Variants in CDKL5 observed in about 807,000 individuals in gnomAD.
CDKL5 encodes the protein cyclin-dependent kinase-like 5.
In CDKL5, 8 loss-of-function variants were observed where a neutral mutation model predicts 61.7. The ratio of observed to expected loss-of-function variants is 0.13; its 90% CI spans 0.08 to 0.23. The LOEUF (loss-of-function observed/expected upper bound fraction) is 0.23. Among genes scored for constraint, CDKL5 ranks in the 10% least tolerant of loss-of-function variants. CDKL5 has a pLI of 1.00. For synonymous variants in CDKL5, 275 were observed against 272.3 expected, an observed-to-expected ratio of 1.01 and a Z score of -0.10; for missense variants, 440 against 734.5, an observed-to-expected ratio of 0.60 and a Z score of 4.63.
chrX:18,455,487 A>G (rs1014417856), intron 1 of CDKL5, among the ~76,000 whole-genome samples: 3 of 112,607 alleles, frequency 2.7e-5, no homozygotes, highest in South Asian at 3.6e-4. Context: ...ATAGTTAACC[A>G]TTAGCCAAAA....
chrX:18,509,246 C>CACACACACACACACACACACA (rs1555940191), intron 2 of CDKL5, among the ~76,000 whole-genome samples: 1 of 97,242 alleles, frequency 1.0e-5, no homozygotes, highest in Non-Finnish European at 2.1e-5. Flanking sequence ...CACACACACA[C>CACACACACACACACACACACA]CCCTGTCAAG....
At chrX:18,453,632 T>A (rs1159046789) in intron 1 of CDKL5, among the ~76,000 whole-genome samples, 1 of 111,952 alleles carries the variant, frequency 8.9e-6, no homozygotes, top group African/African-American at 3.2e-5. Flanking sequence ...AACATTTTCC[T>A]TTTTAGAACC....
downstream of CDKL5, chrX:18,644,310 G>A (rs984100277): frequency 6.3e-6 from 4 of 639,058 alleles, no homozygotes; most frequent in African/African-American, 8.7e-5. Context: ...GGAAAGCGCA[G>A]ATGATCCACT....
chrX:18,642,919 C>A (rs1381365600), downstream of CDKL5, among the ~76,000 whole-genome samples: 1 of 110,892 alleles, frequency 9.0e-6, no homozygotes, highest in Non-Finnish European at 1.9e-5. Flanking sequence ...TGGCAGGTGC[C>A]TGTAAATCCC....
intron 1 of CDKL5, among the ~76,000 whole-genome samples, chrX:18,448,508 G>T (rs1400976117): frequency 9.0e-6 from 1 of 111,701 alleles, no homozygotes; most frequent in Non-Finnish European, 1.9e-5. Flanking sequence ...TTTGTCTTTT[G>T]CCTGGAATGC....
intron 1 of CDKL5, among the ~76,000 whole-genome samples, chrX:18,482,363 A>G (rs1409252801): frequency 1.8e-5 from 2 of 112,005 alleles, no homozygotes; most frequent in Admixed American, 9.5e-5. Flanking sequence ...CTTGTTTTCT[A>G]TATCCTTTGA....
chrX:18,635,372 T>TA lies in CDKL5; in HGVS notation c.*6619dup. ...AATGGATCTTCCCAAATGTCTTTAA[T>TA]AAAATGCAGATTTTGCACTGACTGA... On this transcript the variant is annotated 3_prime_UTR_variant, in exon 18 of 18. Coordinates refer to ENST00000623535, the MANE Select transcript of CDKL5 (RefSeq NM_001323289.2). The TA allele has an allele frequency of 1.3e-6, 1 of 754,612 alleles. No homozygotes were observed. Among genetic ancestry groups the TA allele is most frequent in the Non-Finnish European group, 1.6e-6 (1 of 639,377 alleles). 62.2% of individuals were successfully genotyped at this position (754,612 alleles called of 1,213,427 possible).
At chrX:18,484,392 G>T (rs1418524270) in intron 1 of CDKL5, among the ~76,000 whole-genome samples, 2 of 109,988 alleles carry the variant, frequency 1.8e-5, no homozygotes, top group African/African-American at 6.6e-5. Flanking sequence ...ATCTCGGCTC[G>T]CTGTAACCTC....
intron 1 of CDKL5, among the ~76,000 whole-genome samples, chrX:18,460,089 TG>T (rs1932245706): frequency 9.0e-6 from 1 of 110,646 alleles, no homozygotes; most frequent in African/African-American, 3.3e-5. Flanking sequence ...TTAGTAGAGA[TG>T]GGGCTTCACC....
chrX:18,622,903 A>G (rs1465167465), intron 16 of CDKL5, among the ~76,000 whole-genome samples: 1 of 112,229 alleles, frequency 8.9e-6, no homozygotes, highest in African/African-American at 3.2e-5. Context: ...TCATTGGAAC[A>G]AGAAAATTTG....
At chrX:18,465,668 CAAAT>C (rs781062425) in intron 1 of CDKL5, among the ~76,000 whole-genome samples, 1 of 110,520 alleles carries the variant, frequency 9.0e-6, no homozygotes, top group South Asian at 3.8e-4. Context: ...GACTCTGTCT[CAAAT>C]AAATAAATAA....
chrX:18,483,110 CCTT>C (rs1240054144), intron 1 of CDKL5, among the ~76,000 whole-genome samples: 1 of 111,432 alleles, frequency 9.0e-6, no homozygotes, highest in Non-Finnish European at 1.9e-5. Flanking sequence ...AAGTTATTGG[CCTT>C]CTTATTACAT....
At chrX:18,434,361 C>T (rs1450457806) in intron 1 of CDKL5, among the ~76,000 whole-genome samples, 1 of 111,432 alleles carries the variant, frequency 9.0e-6, no homozygotes, top group Admixed American at 9.6e-5. Context: ...AAATCAATAA[C>T]TCCTTGTGTG....
chrX:18,532,689 T>C (rs1923690521), intron 3 of CDKL5, among the ~76,000 whole-genome samples: 1 of 111,868 alleles, frequency 8.9e-6, no homozygotes, highest in African/African-American at 3.2e-5. Context: ...AAATGTGTTA[T>C]TTAAGCAACC....
At position 18,607,868 on chromosome X, in the gene CDKL5, G is replaced by A. The variant is rs147578242; in HGVS notation, c.1945-943G>A. Among the ~76,000 whole-genome samples the A allele has an allele frequency of 4.5e-3, 504 of 112,114 alleles. 4 individuals are homozygous for A. Among genetic ancestry groups the A allele is most frequent in the African/African-American group, 0.015 (455 of 30,879 alleles). On this transcript the variant is annotated intron_variant, in intron 12 of 17. Transcript: ENST00000623535. ...ATAAAATAGAAAGAAGGAAGGCTAT[G>A]TTGGATGAATTCCTGCCCAGAATCC...
chrX:18,487,885 C>T (rs1921848781), intron 1 of CDKL5, among the ~76,000 whole-genome samples: 1 of 110,601 alleles, frequency 9.0e-6, no homozygotes, highest in Non-Finnish European at 1.9e-5. Flanking sequence ...TACTGCACTC[C>T]AGCCTGGGCG....
Position 18,429,782 on chromosome X carries a change from C to T in CDKL5, c.-163+4087C>T, listed in dbSNP as rs532501438. On this transcript the variant is annotated intron_variant, in intron 1 of 17. Transcript: ENST00000623535. ...TCCTAGTAGCTGGAGACTACAGGCACGTGCTCCCATACCAGGCCAATTTTT... is the reference window on the plus strand; with the variant it reads ...TCCTAGTAGCTGGAGACTACAGGCATGTGCTCCCATACCAGGCCAATTTTT... Among the ~76,000 whole-genome samples the T allele has an allele frequency of 1.3e-4, 15 of 111,510 alleles. No homozygotes were observed. The South Asian group carries it at 5.3e-3, about 39-fold the overall frequency.
intron 3 of CDKL5, among the ~76,000 whole-genome samples, chrX:18,556,882 C>CAAAAA (rs67362338): frequency 1.1e-4 from 5 of 44,951 alleles, no homozygotes; most frequent in African/African-American, 5.2e-4. Flanking sequence ...GACTCCGTCT[C>CAAAAA]AAAAAAAAAA....
At chrX:18,566,577 G>A (rs1924976509) in intron 4 of CDKL5, among the ~76,000 whole-genome samples, 1 of 112,142 alleles carries the variant, frequency 8.9e-6, no homozygotes, top group Non-Finnish European at 1.9e-5. Flanking sequence ...TGGAAATCTA[G>A]TGTATCCGTT....
Sources: allele counts gnomAD v4.1 joint callset (sites outside exome capture counted in the v4.1 genomes callset), GRCh38; gene constraint gnomAD v4.1.1; transcripts MANE v1.5; gene names NCBI Gene and HGNC (gene_info 2026-07-23, HGNC 2026-07-21).